Variants in SPAG16 observed in about 807,000 individuals in gnomAD.
SPAG16 encodes the protein sperm-associated antigen 16 protein.
In SPAG16, 86 loss-of-function variants were observed where a neutral mutation model predicts 80.4. That is an observed-to-expected ratio of 1.07 (90% confidence interval 0.90 to 1.28). The LOEUF (loss-of-function observed/expected upper bound fraction) is 1.28. SPAG16 is among the 50% of genes most tolerant of loss of function. The pLI is 0.00. For synonymous variants in SPAG16, 294 were observed against 265.9 expected (o/e 1.11, Z -1.03); for missense variants, 870 against 765.3 (o/e 1.14, Z -1.61).
intron 10 of SPAG16, among the ~76,000 whole-genome samples, chr2:213,784,837 C>A (rs2070236204): frequency 6.6e-6 from 1 of 151,708 alleles, no homozygotes; most frequent in South Asian, 2.1e-4. Flanking sequence ...CTTTTATGCT[C>A]CCTTGAGATT....
chr2:213,382,591 G>A (rs879849313), intron 9 of SPAG16, among the ~76,000 whole-genome samples: 17 of 152,176 alleles, frequency 1.1e-4, no homozygotes, highest in African/African-American at 3.6e-4. Context: ...ACTTTTTGGG[G>A]TCCAAACATC....
At chr2:213,732,348 A>AT (rs772915149) in intron 10 of SPAG16, among the ~76,000 whole-genome samples, 1 of 151,486 alleles carries the variant, frequency 6.6e-6, no homozygotes, top group African/African-American at 2.4e-5. Flanking sequence ...CGCAAAAAAA[A>AT]TGCCCAGGAA....
intron 10 of SPAG16, among the ~76,000 whole-genome samples, chr2:213,553,668 C>T (rs762916884): frequency 1.1e-4 from 17 of 152,114 alleles, no homozygotes; most frequent in Non-Finnish European, 1.6e-4. Context: ...GTGACCATAC[C>T]CCAGACCTGG....
rs201482162 is a variant in SPAG16 at position 213,543,254 on chromosome 2, A to G, written c.1070+53164A>G. 4.6e-5 allele frequency among the ~76,000 whole-genome samples: 7 copies of G among 152,062 alleles called. No individual in the cohort carries two copies. The East Asian group carries it at 1.4e-3, about 29-fold the overall frequency. Reference sequence around the variant, plus strand: ...TTTTATTTCTTTTTTATGAATGGTCATTTCATATCTTTTGCCTATTTCTCT... The same window carrying G: ...TTTTATTTCTTTTTTATGAATGGTCGTTTCATATCTTTTGCCTATTTCTCT... On this transcript the variant is annotated intron_variant, in intron 10 of 15. Coordinates refer to ENST00000331683, the MANE Select transcript of SPAG16 (RefSeq NM_024532.5).
rs79171690 is a variant in SPAG16, at chr2:213,858,135, G to A, written c.1071-4350G>A. ...TGAACATTGTTGAAATAACAATGAA[G>A]GATTTAAAATATTTCATAAACATAT... is the stretch of plus-strand genomic sequence containing the variant. On this transcript the variant is annotated intron_variant, in intron 10 of 15. Transcript: ENST00000331683. Among the ~76,000 whole-genome samples the A allele has an allele frequency of 5.8e-3, 889 of 152,254 alleles. 9 individuals carry two copies. The highest frequency in any genetic ancestry group is 0.019 in the African/African-American group (803 of 41,546).
intron 10 of SPAG16, among the ~76,000 whole-genome samples, chr2:213,672,765 T>G (rs2063862570): frequency 6.6e-6 from 1 of 152,130 alleles, no homozygotes; most frequent in Admixed American, 6.5e-5. Context: ...GGCCCTGCTC[T>G]GCAATAGGGA....
At chr2:213,908,399 C>T (rs1359065579) in intron 11 of SPAG16, among the ~76,000 whole-genome samples, 1 of 152,168 alleles carries the variant, frequency 6.6e-6, no homozygotes, top group Non-Finnish European at 1.5e-5. Context: ...AAACTCATTG[C>T]AAAGTTATTA....
At chr2:214,048,036 A>T (rs1305935904) in intron 13 of SPAG16, among the ~76,000 whole-genome samples, 1 of 152,208 alleles carries the variant, frequency 6.6e-6, no homozygotes, top group Non-Finnish European at 1.5e-5. Flanking sequence ...AAGTCAGGTA[A>T]TAACAAACAC....
rs186578349 is a variant in SPAG16 at position 213,645,404 on chromosome 2, T to G, written c.1070+155314T>G. Among the ~76,000 whole-genome samples the G allele has an allele frequency of 2.4e-4, 36 of 152,266 alleles. 2 individuals carry two copies. Among genetic ancestry groups the G allele is most frequent in the Admixed American group, 2.4e-3 (36 of 15,284 alleles). On this transcript the variant is annotated intron_variant, in intron 10 of 15. Coordinates refer to ENST00000331683, the MANE Select transcript of SPAG16 (RefSeq NM_024532.5). Reference sequence around the variant, plus strand: ...GTCTCAGTGTCTCACCCAAAGCCCTTGATGCAGTACCTGGGTATCGCTGCT... The same window carrying G: ...GTCTCAGTGTCTCACCCAAAGCCCTGGATGCAGTACCTGGGTATCGCTGCT...
At chr2:214,107,657 C>T (rs938679618) in intron 13 of SPAG16, among the ~76,000 whole-genome samples, 2 of 152,052 alleles carry the variant, frequency 1.3e-5, no homozygotes, top group Non-Finnish European at 2.9e-5. Context: ...AAGTTTGGTT[C>T]TCACAAAACA....
rs1213814148 is a variant in SPAG16 at position 213,750,727 on chromosome 2, A to G, written c.1071-111758A>G. Among the ~76,000 whole-genome samples the G allele has an allele frequency of 5.9e-5, 9 of 152,326 alleles. No homozygotes were observed. In the East Asian group the frequency reaches 1.7e-3, roughly 29 times the overall value. ...TCATAATTTGGGTTCTGCCAATTAG[A>G]TGCACTTGAGTAAAATGTGGAAGGT... is the stretch of plus-strand genomic sequence containing the variant. On this transcript the variant is annotated intron_variant, in intron 10 of 15. Transcript: ENST00000331683.
At chr2:214,369,662 T>C (rs1399992826) in intron 15 of SPAG16, among the ~76,000 whole-genome samples, 1 of 152,120 alleles carries the variant, frequency 6.6e-6, no homozygotes, top group East Asian at 1.9e-4. Context: ...CCTCTTTCTT[T>C]CCTTTTTCTA....
In SPAG16 at chr2:213,949,449, G is replaced by C. The variant is rs1191925223; in HGVS notation, c.1400+19304G>C. ...CCCAAAGTGCTGGGATTACAGGCATGAGCCACCGCGCTCGGCCTACAATAG... is the reference window on the plus strand; with the variant it reads ...CCCAAAGTGCTGGGATTACAGGCATCAGCCACCGCGCTCGGCCTACAATAG... On this transcript the variant is annotated intron_variant, in intron 12 of 15. Coordinates refer to ENST00000331683, the MANE Select transcript of SPAG16 (RefSeq NM_024532.5). 4.1e-4 allele frequency among the ~76,000 whole-genome samples: 62 copies of C among 152,080 alleles called. 1 individual carries two copies. The highest frequency in any genetic ancestry group is 4.1e-3 in the Admixed American group (62 of 15,262).
intron 10 of SPAG16, among the ~76,000 whole-genome samples, chr2:213,754,957 G>A (rs1310870545): frequency 1.3e-5 from 2 of 152,212 alleles, no homozygotes; most frequent in African/African-American, 2.4e-5. Context: ...TTGCAAACCT[G>A]TAATTACTAT....
chr2:213,968,757 A>G (rs1021562425), intron 12 of SPAG16, among the ~76,000 whole-genome samples: 1 of 152,250 alleles, frequency 6.6e-6, no homozygotes, highest in African/African-American at 2.4e-5. Flanking sequence ...TATCAGATTC[A>G]GTTTGTAAAA....
At chr2:214,306,460 C>T (rs1374391636) in intron 15 of SPAG16, among the ~76,000 whole-genome samples, 2 of 152,094 alleles carry the variant, frequency 1.3e-5, no homozygotes, top group Admixed American at 1.3e-4. Flanking sequence ...TGCCAATTTT[C>T]AAAAGGAATG....
rs769167423 is a variant in SPAG16, at chr2:214,014,041, T to A, written c.1491T>A (p.Ser497=). The A allele has an allele frequency of 2.7e-5, 44 of 1,613,460 alleles. No individual in the cohort carries two copies. The highest frequency in any genetic ancestry group is 2.7e-5 in the Non-Finnish European group (32 of 1,179,774). ...FPFSNTLLTS[S]ADKTLSIWDA... is the part of the protein sequence containing the mutation. ...TCTCCAATACTCTTCTCACAAGCTC[T>A]GCAGACAAGACCCTGTCTATATGGG... Residue 497 remains serine (S), a synonymous_variant, in exon 13 of 16, where the codon TCT becomes TCA. Coordinates refer to ENST00000331683, the MANE Select transcript of SPAG16 (RefSeq NM_024532.5).
chr2:214,061,634 T>A (rs951664698), intron 13 of SPAG16, among the ~76,000 whole-genome samples: 1 of 152,218 alleles, frequency 6.6e-6, no homozygotes, highest in Admixed American at 6.5e-5. Context: ...GAAGGTAATC[T>A]GCTTTACTTA....
chr2:213,643,764 CTTCTT>C (rs2062714325), intron 10 of SPAG16, among the ~76,000 whole-genome samples: 1 of 116,000 alleles, frequency 8.6e-6, no homozygotes, highest in Non-Finnish European at 1.7e-5. Flanking sequence ...AAGCTCACTA[CTTCTT>C]TTTTTTTTTT....
Sources: allele counts gnomAD v4.1 joint callset (sites outside exome capture counted in the v4.1 genomes callset), GRCh38; gene constraint gnomAD v4.1.1; transcripts MANE v1.5; gene names NCBI Gene and HGNC (gene_info 2026-07-23, HGNC 2026-07-21).